Variants in KCNN2 observed in about 807,000 individuals in gnomAD.
KCNN2 encodes the protein potassium calcium-activated channel subfamily N member 2.
A neutral mutation model predicts 55.5 loss-of-function variants in KCNN2; 24 were observed. The ratio of observed to expected loss-of-function variants is 0.43; its 90% confidence interval spans 0.31 to 0.61. The LOEUF is 0.61. KCNN2 is among the 20% of genes least tolerant of loss of function. The pLI is 0.08. For missense variants in KCNN2, 754 were observed against 853.6 expected (o/e 0.88, Z 1.45); for synonymous variants, 431 against 336.1 (o/e 1.28, Z -3.09).
At chr5:114,359,009 T>C (rs1311353948), upstream of KCNN2, among the ~76,000 whole-genome samples, 1 of 152,176 alleles carries the variant, frequency 6.6e-6, no homozygotes, top group African/African-American at 2.4e-5. Flanking sequence ...TATCTTGTGT[T>C]TTTTCATCAT....
intron 2 of KCNN2, among the ~76,000 whole-genome samples, chr5:114,278,027 T>A (rs1755528826): frequency 6.6e-6 from 1 of 152,208 alleles, no homozygotes; most frequent in African/African-American, 2.4e-5. Flanking sequence ...GCTTTTGGTG[T>A]GGATGTCCTT....
intron 1 of KCNN2, among the ~76,000 whole-genome samples, chr5:114,090,722 C>T (rs544139692): frequency 6.6e-6 from 1 of 152,178 alleles, no homozygotes; most frequent in Non-Finnish European, 1.5e-5. Flanking sequence ...TTATTTTAAT[C>T]CTCATTATAC....
At chr5:114,478,187 A>G (rs1394732570) in intron 5 of KCNN2, among the ~76,000 whole-genome samples, 1 of 152,166 alleles carries the variant, frequency 6.6e-6, no homozygotes, top group Non-Finnish European at 1.5e-5. Context: ...TGAATTGGCG[A>G]GGAGTGGAAG....
At chr5:114,373,225 G>A (rs1757818507) in intron 2 of KCNN2, among the ~76,000 whole-genome samples, 1 of 151,996 alleles carries the variant, frequency 6.6e-6, no homozygotes, top group Non-Finnish European at 1.5e-5. Flanking sequence ...CTTCCCTGTG[G>A]ACTCCTCTAC....
chr5:114,302,257 C>T (rs1756181221), intron 2 of KCNN2, among the ~76,000 whole-genome samples: 1 of 152,200 alleles, frequency 6.6e-6, no homozygotes, highest in Admixed American at 6.5e-5. Context: ...TTTCCACCTA[C>T]AAGATAAATT....
chr5:114,389,861 G>A (rs1031250152), intron 2 of KCNN2, among the ~76,000 whole-genome samples: 3 of 152,114 alleles, frequency 2.0e-5, no homozygotes, highest in Non-Finnish European at 4.4e-5. Flanking sequence ...TAGTGGGTAA[G>A]CATTTTTTTG....
At chr5:114,281,609 C>A (rs966677417) in intron 2 of KCNN2, among the ~76,000 whole-genome samples, 1 of 133,644 alleles carries the variant, frequency 7.5e-6, no homozygotes, top group Non-Finnish European at 1.6e-5. Flanking sequence ...CTCTCTCTCT[C>A]CCCGCCCCTC....
intron 3 of KCNN2, among the ~76,000 whole-genome samples, chr5:114,452,957 A>T (rs891953531): frequency 3.3e-5 from 5 of 152,208 alleles, no homozygotes; most frequent in African/African-American, 1.2e-4. Context: ...CTACATGCAC[A>T]TAGTTGCAAT....
At chr5:114,392,771 A>T (rs575095579) in intron 2 of KCNN2, among the ~76,000 whole-genome samples, 227 of 145,884 alleles carry the variant, frequency 1.6e-3, no homozygotes, top group African/African-American at 5.5e-3. Flanking sequence ...AGAAAACCTC[A>T]TTATTTGGCT....
chr5:114,282,119 A>T (rs752870506), intron 2 of KCNN2, among the ~76,000 whole-genome samples: 9 of 152,124 alleles, frequency 5.9e-5, no homozygotes, highest in Non-Finnish European at 1.3e-4. Context: ...CCAGAGTTTT[A>T]GTACTGTATC....
chr5:114,157,454 C>T lies in KCNN2; in HGVS notation c.-270-64026C>T, dbSNP rs1397823687. Among the ~76,000 whole-genome samples the T allele has an allele frequency of 2.8e-4, 43 of 151,916 alleles. No individual in the cohort carries two copies. In the South Asian group the frequency reaches 3.7e-3, roughly 13 times the overall value. On this transcript the variant is annotated intron_variant, in intron 1 of 10. Transcript: ENST00000512097. ...AAGTCTTTGCTATTGTGAATAGTGC[C>T]GCAATAAACATACATGTGCATGTGT...
intron 2 of KCNN2, among the ~76,000 whole-genome samples, chr5:114,296,297 G>A (rs891779773): frequency 6.6e-6 from 1 of 152,116 alleles, no homozygotes; most frequent in Non-Finnish European, 1.5e-5. Context: ...TGGCATCTTG[G>A]GCCCAAACTG....
rs1242291785 is a variant in KCNN2 at position 114,149,204 on chromosome 5, A to G, written c.-270-72276A>G. ...TGTGATTGTCCCATAATAACCCTGG[A>G]ATAATACCAGTTGACAAACCTGAAA... On this transcript the variant is annotated intron_variant, in intron 1 of 10. Transcript: ENST00000512097. Among the ~76,000 whole-genome samples, 4 of 152,276 alleles carry G rather than the reference A, an allele frequency of 2.6e-5. No homozygotes were observed. The East Asian group carries it at 7.7e-4, about 29-fold the overall frequency.
At position 114,367,540 on chromosome 5, in the gene KCNN2, G is replaced by T. The variant is rs73782210; in HGVS notation, c.1218+3539G>T. On this transcript the variant is annotated intron_variant, in intron 2 of 7. Coordinates refer to ENST00000673685, the MANE Select transcript of KCNN2 (RefSeq NM_021614.4). ...TTATGACAAAAGAAAACATAATAGCGATTATTTTTGTACAGTTTGGAAAGG... is the reference window on the plus strand; with the variant it reads ...TTATGACAAAAGAAAACATAATAGCTATTATTTTTGTACAGTTTGGAAAGG... Among the ~76,000 whole-genome samples the T allele has an allele frequency of 1.4e-3, 210 of 152,122 alleles. 1 individual carries two copies. Among genetic ancestry groups the T allele is most frequent in the African/African-American group, 4.9e-3 (203 of 41,500 alleles).
chr5:114,134,456 A>ATGATTGATTGATTGATTGAT (rs755442466), intron 1 of KCNN2, among the ~76,000 whole-genome samples: 17 of 101,432 alleles, frequency 1.7e-4, no homozygotes, highest in African/African-American at 6.8e-4. Context: ...CAATCCAACC[A>ATGATTGATTGATTGATTGAT]TGATTTATTT....
chr5:114,122,568 C>G (rs1380760094), intron 1 of KCNN2, among the ~76,000 whole-genome samples: 1 of 152,142 alleles, frequency 6.6e-6, no homozygotes, highest in Non-Finnish European at 1.5e-5. Context: ...TGCCAAGTGT[C>G]CTTCACTCCC....
At chr5:114,475,127 C>T (rs1475859316) in intron 5 of KCNN2, among the ~76,000 whole-genome samples, 2 of 152,062 alleles carry the variant, frequency 1.3e-5, no homozygotes, top group Non-Finnish European at 2.9e-5. Flanking sequence ...TTTACAGTAT[C>T]ACACTGCCAT....
chr5:114,163,400 T>C (rs1474951143), intron 1 of KCNN2, among the ~76,000 whole-genome samples: 1 of 152,222 alleles, frequency 6.6e-6, no homozygotes, highest in Non-Finnish European at 1.5e-5. Flanking sequence ...CTTTTGTCTA[T>C]TCAGTATGAT....
chr5:114,354,383 C>T (rs1162692481), intron 2 of KCNN2, among the ~76,000 whole-genome samples: 1 of 151,988 alleles, frequency 6.6e-6, no homozygotes, highest in Non-Finnish European at 1.5e-5. Context: ...ATTAGATATA[C>T]TAGAAAATTG....
Sources: allele counts gnomAD v4.1 joint callset (sites outside exome capture counted in the v4.1 genomes callset), GRCh38; gene constraint gnomAD v4.1.1; transcripts MANE v1.5; gene names NCBI Gene and HGNC (gene_info 2026-07-23, HGNC 2026-07-21).